The following TANK variants were observed in gnomAD, a reference collection of about 807,000 sequenced individuals.
TANK encodes the protein TRAF family member-associated NF-kappa-B activator.
A neutral mutation model predicts 43.6 loss-of-function variants in TANK; 15 were observed. That is an observed-to-expected ratio of 0.34 (90% CI 0.23 to 0.53). The LOEUF is 0.53. Ranked by LOEUF, TANK falls within the 20% of genes least tolerant of loss-of-function variation. The pLI is 0.94. For missense variants in TANK, 417 were observed against 498.6 expected, an observed-to-expected ratio of 0.84 and a Z score of 1.56; for synonymous variants, 162 against 178.2, an observed-to-expected ratio of 0.91 and a Z score of 0.73.
intron 5 of TANK, among the ~76,000 whole-genome samples, 154 bp from the exon 6 acceptor site, chr2:161,224,477 G>C (rs935038146): frequency 6.6e-6 from 1 of 151,734 alleles, no homozygotes; most frequent in African/African-American, 2.4e-5. Flanking sequence ...AACACAAGCT[G>C]ATTTTGGGGA....
At chr2:161,160,206 T>C (rs1684341666), upstream of TANK, 1 of 386,446 alleles carries the variant, frequency 2.6e-6, no homozygotes, top group African/African-American at 2.1e-5. Context: ...AGGATTCTCT[T>C]CCGCTGCTGA....
At chr2:161,150,296 T>C (rs989415456) in intron 1 of TANK, among the ~76,000 whole-genome samples, 1 of 152,202 alleles carries the variant, frequency 6.6e-6, no homozygotes, top group Non-Finnish European at 1.5e-5. Flanking sequence ...TATAATACTT[T>C]GTATTTCTAT....
At chr2:161,233,803 C>G (rs1230517832) in intron 7 of TANK, among the ~76,000 whole-genome samples, 1 of 151,592 alleles carries the variant, frequency 6.6e-6, no homozygotes, top group Non-Finnish European at 1.5e-5. Context: ...CTTTAATAAT[C>G]TTTTATTTTT....
intron 4 of TANK, chr2:161,212,112 G>A: frequency 1.9e-6 from 1 of 516,812 alleles, no homozygotes; most frequent in Non-Finnish European, 2.5e-6. Context: ...CCATACTGGG[G>A]TGCAGTGACA....
intron 2 of TANK, chr2:161,202,802 T>C: frequency 6.8e-6 from 3 of 444,086 alleles, no homozygotes; most frequent in Non-Finnish European, 1.4e-5. Context: ...GCTTGAATGT[T>C]TGCAGCATCT....
At chr2:161,178,185 GTGT>G (rs1268817512) in intron 1 of TANK, among the ~76,000 whole-genome samples, 1 of 152,006 alleles carries the variant, frequency 6.6e-6, no homozygotes, top group African/African-American at 2.4e-5. Context: ...TATTGAAAAC[GTGT>G]TCACACAAAA....
At chr2:161,200,561 A>G (rs893445880) in intron 2 of TANK, 63 of 982,144 alleles carry the variant, frequency 6.4e-5, no homozygotes, top group Middle Eastern at 5.2e-4. Flanking sequence ...CTGAATATGC[A>G]TTTTCTCAAA....
At chr2:161,163,240 A>G (rs1330758716) in intron 1 of TANK, 1 of 152,162 alleles carries the variant, frequency 6.6e-6, no homozygotes, top group East Asian at 1.9e-4. Flanking sequence ...TCACTCATGA[A>G]ACCATGTGGG....
chr2:161,236,221 A>G lies in TANK; in HGVS notation c.*703A>G, dbSNP rs1688165761. On this transcript the variant is annotated 3_prime_UTR_variant, in exon 8 of 8. Coordinates refer to ENST00000392749, the MANE Select transcript of TANK (RefSeq NM_001199135.3). The stretch of plus-strand genomic sequence containing the variant: ...TCCTTTGTTCCTGAGTAAAAAAAAA[A>G]AAAAAAAAAGGGAAGGAAGGAATCA... 1 of 151,470 alleles carries G rather than the reference A, an allele frequency of 6.6e-6. No individual in the cohort carries two copies. Among genetic ancestry groups the G allele is most frequent in the South Asian group, 2.1e-4 (1 of 4,822 alleles). The allele number at this position is 151,470 out of a possible 1,614,324, so 9.4% of individuals were successfully genotyped here. A position where few individuals can be genotyped will look rare whatever the true frequency, so the allele number is the denominator to read the frequency against.
At chr2:161,207,685 G>A in intron 4 of TANK, 1 of 985,322 alleles carries the variant, frequency 1.0e-6, no homozygotes, top group Non-Finnish European at 1.2e-6. Context: ...TGGCCTATGT[G>A]TTGATCTATA....
intron 2 of TANK, among the ~76,000 whole-genome samples, chr2:161,191,652 T>C (rs1685918969): frequency 1.3e-5 from 2 of 152,156 alleles, no homozygotes; most frequent in African/African-American, 4.8e-5. Flanking sequence ...AGCTAGAATT[T>C]GCAAAAAATG....
At chr2:161,150,606 TTTTC>T (rs1339151467) in intron 1 of TANK, among the ~76,000 whole-genome samples, 6 of 143,156 alleles carry the variant, frequency 4.2e-5, no homozygotes, top group East Asian at 4.1e-4. Context: ...TTTTTTTTTT[TTTTC>T]TTTTGAGATG....
Position 161,160,463 on chromosome 2 carries a change from A to G in TANK, c.-73A>G. The G allele has an allele frequency of 8.1e-7, 1 of 1,238,382 alleles. No homozygotes were observed. Among genetic ancestry groups the G allele is most frequent in the Non-Finnish European group, 1.0e-6 (1 of 990,882 alleles). The allele number at this position is 1,238,382 out of a possible 1,614,324, so 76.7% of individuals were successfully genotyped here. A position where few individuals can be genotyped will look rare whatever the true frequency, so the allele number is the denominator to read the frequency against. ...GCGCCGGCGACCTGAGGGGAGAGGG[A>G]ACGCAGCTGAAAGCGTGAACTGTGT... On this transcript the variant is annotated 5_prime_UTR_variant, in exon 1 of 8. Coordinates refer to ENST00000392749, the MANE Select transcript of TANK (RefSeq NM_001199135.3).
At chr2:161,192,775 C>T (rs904055062) in intron 2 of TANK, among the ~76,000 whole-genome samples, 2 of 152,174 alleles carry the variant, frequency 1.3e-5, no homozygotes, top group African/African-American at 2.4e-5. Context: ...CACAGCCCTA[C>T]AAAAGTAGAC....
At chr2:161,165,535 C>T (rs1684638680) in intron 1 of TANK, among the ~76,000 whole-genome samples, 1 of 152,064 alleles carries the variant, frequency 6.6e-6, no homozygotes, top group Non-Finnish European at 1.5e-5. Context: ...GTTTCTCAAC[C>T]TTTAAAAATC....
rs72017971 is a variant in TANK at position 161,172,355 on chromosome 2, CTTT to C, written c.-49-7242_-49-7240del. On this transcript the variant is annotated intron_variant, in intron 1 of 7. Coordinates refer to ENST00000392749, the MANE Select transcript of TANK (RefSeq NM_001199135.3). Reference sequence around the variant, plus strand: ...TTTTCAAAAATGTAGTTTTTTTCGGCTTTTTTTTTTTTTTTTTTTGGGGGTAAA... The same window carrying C: ...TTTTCAAAAATGTAGTTTTTTTCGGCTTTTTTTTTTTTTTTTGGGGGTAAA... Among the ~76,000 whole-genome samples the C allele has an allele frequency of 9.0e-5, 8 of 89,216 alleles. No homozygotes were observed. In the East Asian group the frequency reaches 1.0e-3, roughly 12 times the overall value. The allele number at this position is 89,216 out of a possible 152,430, so 58.5% of individuals were successfully genotyped here.
intron 7 of TANK, chr2:161,232,762 C>A: frequency 6.5e-7 from 1 of 1,550,212 alleles, no homozygotes; most frequent in South Asian, 1.2e-5. Context: ...GTAGATGGCA[C>A]CCTGCATTGT....
intron 4 of TANK, among the ~76,000 whole-genome samples, chr2:161,213,638 T>C (rs1211032653): frequency 6.6e-6 from 1 of 150,548 alleles, no homozygotes; most frequent in Admixed American, 6.6e-5. Flanking sequence ...AAATCTGTTT[T>C]GAAGGTTTTT....
intron 2 of TANK, among the ~76,000 whole-genome samples, chr2:161,190,409 A>G (rs1685861586): frequency 6.6e-6 from 1 of 152,212 alleles, no homozygotes; most frequent in African/African-American, 2.4e-5. Flanking sequence ...TAAAAAAATT[A>G]AACATAGAAT....
Sources: allele counts gnomAD v4.1 joint callset (sites outside exome capture counted in the v4.1 genomes callset), GRCh38; gene constraint gnomAD v4.1.1; transcripts MANE v1.5; gene names NCBI Gene and HGNC (gene_info 2026-07-23, HGNC 2026-07-21).